Variants in SRD5A2 observed in about 807,000 individuals in gnomAD.
SRD5A2 encodes the protein steroid 5 alpha-reductase 2, also known as 3-oxo-5-alpha-steroid 4-dehydrogenase 2.
Under a neutral mutation model 27.4 loss-of-function variants are expected in SRD5A2, and 30 were observed. The ratio of observed to expected loss-of-function variants is 1.10; its 90% CI spans 0.82 to 1.49. The LOEUF (loss-of-function observed/expected upper bound fraction) is 1.49. Among genes scored for constraint, SRD5A2 ranks in the 40% most tolerant of loss-of-function variants. The probability of loss-of-function intolerance (pLI) is 0.00; values close to 1 mark genes in which losing one functional copy is unlikely to be tolerated. For synonymous variants in SRD5A2, 141 were observed against 133.6 expected (o/e 1.06, Z -0.38); for missense variants, 348 against 323.4 (o/e 1.08, Z -0.58).
intron 1 of SRD5A2, among the ~76,000 whole-genome samples, chr2:31,569,888 T>G (rs1004642284): frequency 2.6e-5 from 4 of 152,070 alleles, no homozygotes; most frequent in African/African-American, 9.7e-5. Flanking sequence ...AAAATTAGAC[T>G]TCATCAAAAT....
At chr2:31,631,403 T>C in the SRD5A2 span, among the ~76,000 whole-genome samples, 102 of 152,230 alleles carry the variant, frequency 6.7e-4, 1 homozygote, top group African/African-American at 2.4e-3. Flanking sequence ...ATTAGGACCT[T>C]AGAGGACACT....
At chr2:31,618,279 G>A in the SRD5A2 span, among the ~76,000 whole-genome samples, 1 of 152,230 alleles carries the variant, frequency 6.6e-6, no homozygotes, top group South Asian at 2.1e-4. Flanking sequence ...TGACACAAGA[G>A]GATTAATACA....
intron 1 of SRD5A2, among the ~76,000 whole-genome samples, chr2:31,578,512 T>C (rs1033805732): frequency 1.3e-5 from 2 of 152,180 alleles, no homozygotes; most frequent in Non-Finnish European, 2.9e-5. Flanking sequence ...AATTATTTAC[T>C]CAGAGTGTTT....
chr2:31,559,285 A>G (rs1666565315), intron 1 of SRD5A2, among the ~76,000 whole-genome samples: 1 of 152,256 alleles, frequency 6.6e-6, no homozygotes, highest in Non-Finnish European at 1.5e-5. Flanking sequence ...AATCAAGAAA[A>G]AAATGAGTAA....
At chr2:31,546,120 C>T (rs916990636) in intron 1 of SRD5A2, among the ~76,000 whole-genome samples, 4 of 151,826 alleles carry the variant, frequency 2.6e-5, no homozygotes, top group Non-Finnish European at 5.9e-5. Context: ...TTTCAAATGT[C>T]CATACTACCA....
At chr2:31,618,232 T>C in the SRD5A2 span, among the ~76,000 whole-genome samples, 4 of 152,028 alleles carry the variant, frequency 2.6e-5, no homozygotes, top group Non-Finnish European at 5.9e-5. Flanking sequence ...GGGGAAACTG[T>C]CCCCATGTTT....
chr2:31,602,937 A>G, the SRD5A2 span, among the ~76,000 whole-genome samples: 1 of 152,120 alleles, frequency 6.6e-6, no homozygotes, highest in Non-Finnish European at 1.5e-5. Flanking sequence ...AAAGACTTAA[A>G]TGTAAAACAC....
intron 1 of SRD5A2, among the ~76,000 whole-genome samples, chr2:31,560,626 T>C (rs1666603183): frequency 6.6e-6 from 1 of 151,868 alleles, no homozygotes; most frequent in African/African-American, 2.4e-5. Flanking sequence ...TGCGCTTCCT[T>C]TCTCCTTTCC....
chr2:31,616,723 G>T, the SRD5A2 span, among the ~76,000 whole-genome samples: 1 of 152,182 alleles, frequency 6.6e-6, no homozygotes, highest in Admixed American at 6.5e-5. Context: ...CCTTGCTTCA[G>T]ATGAGACTTT....
the SRD5A2 span, among the ~76,000 whole-genome samples, chr2:31,652,613 A>C: frequency 2.0e-5 from 3 of 152,206 alleles, no homozygotes; most frequent in Non-Finnish European, 4.4e-5. Context: ...GAAATCAAAA[A>C]ATTTAGTTAT....
intron 1 of SRD5A2, 88 bp from the exon 2 acceptor site, chr2:31,533,854 A>G: frequency 7.0e-7 from 1 of 1,434,486 alleles, no homozygotes; most frequent in Non-Finnish European, 9.3e-7. Context: ...TCACACCAGA[A>G]GGTACAAAAA....
chr2:31,594,369 CA>C, the SRD5A2 span, among the ~76,000 whole-genome samples: 3 of 152,052 alleles, frequency 2.0e-5, no homozygotes, highest in African/African-American at 7.2e-5. Flanking sequence ...ACATTCCATG[CA>C]AATGGAAACC....
intron 1 of SRD5A2, among the ~76,000 whole-genome samples, chr2:31,540,486 C>A (rs4952220): frequency 0.52 from 78,986 of 151,768 alleles, 20,883 homozygotes; most frequent in Non-Finnish European, 0.57. Flanking sequence ...TCAGGGTAAA[C>A]GTAATAAAAA....
At chr2:31,547,594 A>G (rs1161355120) in intron 1 of SRD5A2, among the ~76,000 whole-genome samples, 1 of 152,258 alleles carries the variant, frequency 6.6e-6, no homozygotes, top group African/African-American at 2.4e-5. Context: ...TTATATTTGT[A>G]TCATGAGACA....
chr2:31,537,700 C>A (rs1056540732), intron 1 of SRD5A2, among the ~76,000 whole-genome samples: 2 of 152,162 alleles, frequency 1.3e-5, no homozygotes, highest in Non-Finnish European at 2.9e-5. Context: ...CATTAAATAT[C>A]ATTCATATAA....
the SRD5A2 span, among the ~76,000 whole-genome samples, chr2:31,612,731 A>T: frequency 3.3e-5 from 5 of 152,346 alleles, no homozygotes; most frequent in East Asian, 9.6e-4. Flanking sequence ...CAAAAAGAAC[A>T]ATGCTGGAAG....
chr2:31,566,745 G>C (rs1462323877), intron 1 of SRD5A2, among the ~76,000 whole-genome samples: 1 of 152,158 alleles, frequency 6.6e-6, no homozygotes, highest in Non-Finnish European at 1.5e-5. Flanking sequence ...ACTACTTATG[G>C]GGTGTCATAT....
intron 1 of SRD5A2, among the ~76,000 whole-genome samples, chr2:31,571,720 G>A (rs1666852937): frequency 6.6e-6 from 1 of 152,138 alleles, no homozygotes; most frequent in African/African-American, 2.4e-5. Context: ...GACATCAACA[G>A]ATACTTTTCA....
the SRD5A2 span, among the ~76,000 whole-genome samples, chr2:31,596,103 A>T: frequency 6.6e-6 from 1 of 152,158 alleles, no homozygotes; most frequent in African/African-American, 2.4e-5. Context: ...CAATATATTG[A>T]TTGAGGAAGA....
Sources: allele counts gnomAD v4.1 joint callset (sites outside exome capture counted in the v4.1 genomes callset), GRCh38; gene constraint gnomAD v4.1.1; transcripts MANE v1.5; gene names NCBI Gene and HGNC (gene_info 2026-07-23, HGNC 2026-07-21).